The following ERO1B variants were observed in gnomAD, a reference collection of about 807,000 sequenced individuals.
ERO1B encodes ERO1-like protein beta.
In ERO1B, 49 loss-of-function variants were observed where a neutral mutation model predicts 75.3. The ratio of observed to expected loss-of-function variants is 0.65; its 90% confidence interval spans 0.52 to 0.83. The LOEUF is 0.83. ERO1B is among the 40% of genes least tolerant of loss of function. The probability of loss-of-function intolerance (pLI) is 0.00; values close to 1 mark genes in which losing one functional copy is unlikely to be tolerated. For missense variants in ERO1B, 512 were observed against 560.1 expected (o/e 0.91, Z 0.87); for synonymous variants, 191 against 192.9 (o/e 0.99, Z 0.08).
chr1:236,276,014 CAT>C (rs1558524507), intron 1 of ERO1B, among the ~76,000 whole-genome samples: 1 of 152,130 alleles, frequency 6.6e-6, no homozygotes, highest in Non-Finnish European at 1.5e-5. Context: ...CAGAGTGAAT[CAT>C]ATGAATACAC....
intron 12 of ERO1B, among the ~76,000 whole-genome samples, chr1:236,225,346 TTTAG>T (rs1277035536): frequency 1.3e-5 from 2 of 152,234 alleles, no homozygotes; most frequent in African/African-American, 2.4e-5. Flanking sequence ...GGCTGTTAAA[TTTAG>T]TAAGACTGTA....
At chr1:236,240,499 G>A (rs1664673667) in intron 6 of ERO1B, among the ~76,000 whole-genome samples, 1 of 152,048 alleles carries the variant, frequency 6.6e-6, no homozygotes, top group South Asian at 2.1e-4. Flanking sequence ...TACAGTCAAG[G>A]AGAAGCTACA....
At chr1:236,235,710 T>A (rs1327073644) in intron 8 of ERO1B, 79 bp downstream of exon 8, 3 of 1,260,400 alleles carry the variant, frequency 2.4e-6, no homozygotes, top group African/African-American at 1.5e-5. Flanking sequence ...AAAATGAAAG[T>A]TTTTTCAATA....
At chr1:236,230,201 T>C in intron 10 of ERO1B, 23 bp downstream of exon 10, 1 of 1,561,706 alleles carries the variant, frequency 6.4e-7, no homozygotes, top group Non-Finnish European at 8.7e-7. Flanking sequence ...AAAAATCCAA[T>C]AAATTTAGAA....
chr1:236,257,804 A>G (rs1432562265), intron 2 of ERO1B, among the ~76,000 whole-genome samples: 1 of 151,404 alleles, frequency 6.6e-6, no homozygotes, highest in African/African-American at 2.4e-5. Context: ...GAGGGGTCCA[A>G]CAGCAGACTA....
intron 1 of ERO1B, among the ~76,000 whole-genome samples, chr1:236,277,804 T>G (rs868837454): frequency 1.3e-5 from 2 of 152,344 alleles, no homozygotes; most frequent in South Asian, 2.1e-4. Flanking sequence ...CAGCTGGATA[T>G]GATCAGCTAT....
intron 2 of ERO1B, among the ~76,000 whole-genome samples, chr1:236,263,778 CTT>C: frequency 1.2e-3 from 94 of 80,182 alleles, no homozygotes; most frequent in African/African-American, 4.2e-3. Flanking sequence ...ATTTTGTTTG[CTT>C]TTTTTTTTTT....
Position 236,240,318 on chromosome 1 carries a change from C to T in ERO1B, c.505+3104G>A, listed in dbSNP as rs935883783. Among the ~76,000 whole-genome samples, 3 of 152,122 alleles carry T rather than the reference C, an allele frequency of 2.0e-5. No individual in the cohort carries two copies. In the East Asian group the frequency reaches 5.8e-4, roughly 29 times the overall value. Reference sequence around the variant, plus strand: ...TTAAACTTTCCTCCCTACTTCCTAACTCATATATCTCTTAAACATTAATGG... The same window carrying T: ...TTAAACTTTCCTCCCTACTTCCTAATTCATATATCTCTTAAACATTAATGG... On this transcript the variant is annotated intron_variant, in intron 6 of 15. Transcript: ENST00000354619.
chr1:236,278,348 A>G (rs1252422523), intron 1 of ERO1B, among the ~76,000 whole-genome samples: 1 of 151,848 alleles, frequency 6.6e-6, no homozygotes, highest in African/African-American at 2.4e-5. Flanking sequence ...GTTTACCCTT[A>G]TACTGAGGAT....
At position 236,240,456 on chromosome 1, in the gene ERO1B, A is replaced by T. The variant is rs77515090; in HGVS notation, c.505+2966T>A. ...AGCCCTCCATCACCAACCCTACCCC[A>T]AACTGCTACTAACTCACTATTAAAA... On this transcript the variant is annotated intron_variant, in intron 6 of 15. Coordinates refer to ENST00000354619, the MANE Select transcript of ERO1B (RefSeq NM_019891.4). Among the ~76,000 whole-genome samples the T allele has an allele frequency of 9.4e-3, 1,438 of 152,264 alleles. 22 individuals carry two copies. Among genetic ancestry groups the T allele is most frequent in the African/African-American group, 0.032 (1,334 of 41,540 alleles).
intron 2 of ERO1B, among the ~76,000 whole-genome samples, chr1:236,266,027 T>C (rs966120978): frequency 6.6e-6 from 1 of 152,222 alleles, no homozygotes; most frequent in East Asian, 1.9e-4. Flanking sequence ...ACTTTACTTT[T>C]CTCCATAGAA....
At chr1:236,225,012 A>T (rs1254856590) in intron 13 of ERO1B, 58 bp downstream of exon 13, 4 of 1,474,518 alleles carry the variant, frequency 2.7e-6, no homozygotes. Flanking sequence ...GATGCACAGC[A>T]TTAAAGCATA....
chr1:236,279,415 A>C (rs565375869), intron 1 of ERO1B, among the ~76,000 whole-genome samples: 43 of 144,348 alleles, frequency 3.0e-4, no homozygotes, highest in Non-Finnish European at 4.8e-4. Context: ...AGACAGAAGA[A>C]TCACTTGAAC....
intron 2 of ERO1B, among the ~76,000 whole-genome samples, chr1:236,263,243 T>TTTG (rs34415110): frequency 0.3 from 45,191 of 151,130 alleles, 7,481 homozygotes; most frequent in East Asian, 0.77. Context: ...AAACTTCAGT[T>TTTG]TTGTTGTTGT....
At chr1:236,278,034 CCT>C (rs1466378870) in intron 1 of ERO1B, among the ~76,000 whole-genome samples, 1 of 151,948 alleles carries the variant, frequency 6.6e-6, no homozygotes, top group Non-Finnish European at 1.5e-5. Flanking sequence ...TTCATGGTGC[CCT>C]GTTTCCTTGG....
chr1:236,254,481 C>T (rs1161001811), intron 2 of ERO1B, among the ~76,000 whole-genome samples: 1 of 152,182 alleles, frequency 6.6e-6, no homozygotes. Flanking sequence ...AGTTTATAAA[C>T]TCTGCAGCAA....
chr1:236,223,469 A>T (rs1572029604), intron 13 of ERO1B, among the ~76,000 whole-genome samples: 1 of 152,342 alleles, frequency 6.6e-6, no homozygotes, highest in East Asian at 1.9e-4. Flanking sequence ...CAGCTGCCAG[A>T]GGGTTGAAAG....
At chr1:236,225,261 GT>G (rs1313651070) in intron 12 of ERO1B, 122 bp from the exon 13 acceptor site, 1 of 919,052 alleles carries the variant, frequency 1.1e-6, no homozygotes, top group Non-Finnish European at 1.7e-6. Context: ...TCCGATGTAA[GT>G]TTTGGTAATG....
At chr1:236,277,827 T>C (rs552293203) in intron 1 of ERO1B, among the ~76,000 whole-genome samples, 1 of 152,346 alleles carries the variant, frequency 6.6e-6, no homozygotes, top group South Asian at 2.1e-4. Context: ...AATCTATCCA[T>C]CGAGTTTTAA....
Sources: allele counts gnomAD v4.1 joint callset (sites outside exome capture counted in the v4.1 genomes callset), GRCh38; gene constraint gnomAD v4.1.1; transcripts MANE v1.5; gene names NCBI Gene and HGNC (gene_info 2026-07-23, HGNC 2026-07-21).